ANO4: variants seen among roughly 807,000 people sequenced by gnomAD.
The protein encoded by ANO4 is anoctamin-4.
ANO4 carries 69 observed loss-of-function variants against 141.9 expected under a neutral mutation model. The ratio of observed to expected loss-of-function variants is 0.49; its 90% CI spans 0.40 to 0.59. The LOEUF (loss-of-function observed/expected upper bound fraction) is 0.59, where lower values mean the gene tolerates loss of function less well. Among genes scored for constraint, ANO4 ranks in the 20% least tolerant of loss-of-function variants. The pLI is 0.00. For missense variants in ANO4, 894 were observed against 1,162.2 expected (o/e 0.77, Z 3.36); for synonymous variants, 350 against 394.3 (o/e 0.89, Z 1.33).
intron 14 of ANO4, among the ~76,000 whole-genome samples, chr12:101,075,729 T>TTA (rs5800454): frequency 0.35 from 50,776 of 144,208 alleles, 9,289 homozygotes; most frequent in Non-Finnish European, 0.42. Context: ...ATATATATCT[T>TTA]TATATATATA....
chr12:101,041,422 C>A (rs1410826714), intron 11 of ANO4, among the ~76,000 whole-genome samples: 2 of 152,206 alleles, frequency 1.3e-5, no homozygotes, highest in Middle Eastern at 3.2e-3. Flanking sequence ...AAAGTAAATT[C>A]TCTTCCCAGC....
chr12:100,933,311 G>A (rs748215379), intron 3 of ANO4, among the ~76,000 whole-genome samples: 8 of 151,714 alleles, frequency 5.3e-5, no homozygotes, highest in African/African-American at 1.9e-4. Context: ...GATGTTCCCC[G>A]TCCTGTGTCC....
chr12:101,026,692 A>G (rs774885917), intron 9 of ANO4, among the ~76,000 whole-genome samples: 35 of 152,216 alleles, frequency 2.3e-4, no homozygotes, highest in Non-Finnish European at 4.4e-4. Flanking sequence ...ATTCAAACCC[A>G]TATGCAAAAA....
At chr12:100,855,698 A>C (rs2038128486) in intron 1 of ANO4, among the ~76,000 whole-genome samples, 1 of 152,190 alleles carries the variant, frequency 6.6e-6, no homozygotes, top group South Asian at 2.1e-4. Context: ...TAAATTAAAA[A>C]TTCTTAACCA....
chr12:100,978,374 G>C (rs1434792326), intron 7 of ANO4, among the ~76,000 whole-genome samples: 2 of 152,126 alleles, frequency 1.3e-5, no homozygotes, highest in Non-Finnish European at 2.9e-5. Flanking sequence ...GGACAATAAG[G>C]GCTTAAAAGA....
At chr12:100,862,064 T>G (rs796838088) in intron 1 of ANO4, among the ~76,000 whole-genome samples, 16 of 152,286 alleles carry the variant, frequency 1.1e-4, no homozygotes, top group African/African-American at 3.4e-4. Context: ...TCTAGTTAAC[T>G]TTTAAATTTA....
chr12:100,724,075 T>A (rs2030993418), intron 1 of ANO4, among the ~76,000 whole-genome samples: 1 of 152,142 alleles, frequency 6.6e-6, no homozygotes, highest in Admixed American at 6.5e-5. Context: ...TATGATGTAA[T>A]AATAAGGCAT....
chr12:100,877,766 G>A (rs1209313307), intron 1 of ANO4, among the ~76,000 whole-genome samples: 2 of 152,110 alleles, frequency 1.3e-5, no homozygotes, highest in African/African-American at 4.8e-5. Context: ...GGATAGTTGA[G>A]TTTAGACATG....
intron 1 of ANO4, among the ~76,000 whole-genome samples, chr12:100,806,744 C>T (rs2035079445): frequency 6.6e-6 from 1 of 151,548 alleles, no homozygotes; most frequent in South Asian, 2.1e-4. Flanking sequence ...GGGGTTTCAC[C>T]ATGTTGGTCA....
chr12:101,064,605 T>C (rs1210040034), intron 14 of ANO4, among the ~76,000 whole-genome samples: 1 of 151,696 alleles, frequency 6.6e-6, no homozygotes, highest in Non-Finnish European at 1.5e-5. Flanking sequence ...CCATGGCACA[T>C]GTATACCTGT....
intron 7 of ANO4, 29 bp from the exon 8 acceptor site, chr12:100,987,510 C>T (rs765955159): frequency 6.2e-7 from 1 of 1,609,216 alleles, no homozygotes; most frequent in Non-Finnish European, 8.5e-7. Flanking sequence ...CATGCTGTAC[C>T]CTTTGGTCTT....
chr12:100,835,826 T>A (rs1253331717), intron 1 of ANO4, among the ~76,000 whole-genome samples: 1 of 152,148 alleles, frequency 6.6e-6, no homozygotes, highest in Non-Finnish European at 1.5e-5. Flanking sequence ...TATTATCTAA[T>A]ACTGAGTGGC....
chr12:100,892,269 A>G (rs2040142199), intron 1 of ANO4, among the ~76,000 whole-genome samples: 1 of 152,176 alleles, frequency 6.6e-6, no homozygotes, highest in Non-Finnish European at 1.5e-5. Flanking sequence ...TCCTTTGGCT[A>G]TATACTACAA....
chr12:101,075,651 A>G (rs2048991585), intron 14 of ANO4, among the ~76,000 whole-genome samples: 1 of 147,184 alleles, frequency 6.8e-6, no homozygotes, highest in African/African-American at 2.5e-5. Context: ...ATATATATAC[A>G]CACACACACA....
intron 1 of ANO4, among the ~76,000 whole-genome samples, chr12:100,870,097 G>T (rs2038957385): frequency 6.6e-6 from 1 of 152,304 alleles, no homozygotes; most frequent in African/African-American, 2.4e-5. Flanking sequence ...TTCATGAAGG[G>T]TTATAGAGGC....
chr12:101,012,201 A>AT (rs1402291628), intron 8 of ANO4, among the ~76,000 whole-genome samples: 1 of 152,188 alleles, frequency 6.6e-6, no homozygotes, highest in African/African-American at 2.4e-5. Flanking sequence ...AGAGTAGAGC[A>AT]TGAGACAGAC....
intron 1 of ANO4, among the ~76,000 whole-genome samples, chr12:100,894,853 C>G (rs913316652): frequency 1.3e-5 from 2 of 151,114 alleles, no homozygotes; most frequent in Non-Finnish European, 2.9e-5. Flanking sequence ...GTAGTCCCAG[C>G]TACTTGGGAG....
chr12:100,718,415 G>T (rs1460800946), intron 1 of ANO4, among the ~76,000 whole-genome samples: 2 of 152,180 alleles, frequency 1.3e-5, no homozygotes, highest in East Asian at 3.9e-4. Context: ...ATAAGATCTA[G>T]ATTTGGCATT....
intron 1 of ANO4, among the ~76,000 whole-genome samples, chr12:100,820,203 C>G (rs1204494296): frequency 6.6e-6 from 1 of 151,840 alleles, no homozygotes; most frequent in East Asian, 1.9e-4. Flanking sequence ...CCCACCTGAC[C>G]TCAGCCTACC....
Sources: gnomAD v4.1 joint callset for allele counts (sites outside exome capture counted in the v4.1 genomes callset) on GRCh38, gnomAD v4.1.1 for gene constraint, MANE v1.5 for transcripts, NCBI Gene and HGNC (gene_info 2026-07-23, HGNC 2026-07-21) for gene names.